Variants in KRAS observed in about 807,000 individuals in gnomAD.
KRAS encodes KRas proto-oncogene, GTPase, also known as GTPase KRas.
In KRAS, 1 loss-of-function variant was observed where a neutral mutation model predicts 21.0. The observed-to-expected ratio is 0.05, with a 90% CI of 0.02 to 0.23. The LOEUF (loss-of-function observed/expected upper bound fraction) is 0.23, where lower values mean the gene tolerates loss of function less well. Among genes scored for constraint, KRAS ranks in the 10% least tolerant of loss-of-function variants. KRAS has a pLI of 1.00. For synonymous variants in KRAS, 67 were observed against 72.5 expected (o/e 0.92, Z 0.39); for missense variants, 107 against 221.8 (o/e 0.48, Z 3.29).
At chr12:25,224,677 T>C (rs989308569) in intron 4 of KRAS, among the ~76,000 whole-genome samples, 2 of 152,170 alleles carry the variant, frequency 1.3e-5, no homozygotes, top group Non-Finnish European at 2.9e-5. Context: ...AAACTTACCA[T>C]TGTGTTAACA....
At chr12:25,244,016 T>C (rs1951644512) in intron 2 of KRAS, among the ~76,000 whole-genome samples, 1 of 152,204 alleles carries the variant, frequency 6.6e-6, no homozygotes, top group African/African-American at 2.4e-5. Context: ...TTTTTTATAG[T>C]ACCAAAAATA....
rs866925323 is a variant in KRAS, at chr12:25,206,737, T to C, written c.*3058A>G. The C allele has an allele frequency of 1.0e-5, 2 of 196,546 alleles. No homozygotes were observed. Among genetic ancestry groups the C allele is most frequent in the Non-Finnish European group, 1.1e-5 (1 of 94,812 alleles). 12.2% of individuals were successfully genotyped at this position (196,546 alleles called of 1,614,324 possible). A position where few individuals can be genotyped will look rare whatever the true frequency, so the allele number is the denominator to read the frequency against. ...TTCAGAAATCATAGTGATTTTTACATAGAAGTTTCCTTGTCTGTGAACTAG... is the reference window on the plus strand; with the variant it reads ...TTCAGAAATCATAGTGATTTTTACACAGAAGTTTCCTTGTCTGTGAACTAG... On this transcript the variant is annotated 3_prime_UTR_variant, in exon 5 of 5. Transcript: ENST00000311936.
chr12:25,211,181 T>G (rs1312313946), intron 4 of KRAS: 1 of 152,196 alleles, frequency 6.6e-6, no homozygotes, highest in Non-Finnish European at 1.5e-5. Context: ...TTTTACTCAT[T>G]GTAATCACTT....
rs104894365 is a variant in KRAS, at chr12:25,245,345, C to T, written c.40G>A (p.Val14Ile). ...TGTATCGTCAAGGCACTCTTGCCTACGCCACCAGCTCCAACTACCACAAGT... is the reference window on the plus strand; with the variant it reads ...TGTATCGTCAAGGCACTCTTGCCTATGCCACCAGCTCCAACTACCACAAGT... ...YKLVVVGAGG[V>I]GKSALTIQLI... Residue 14 changes from valine (V) to isoleucine (I), a missense_variant, in exon 2 of 5, where the codon GTA becomes ATA. Physicochemically the swap from Val to Ile is conservative, Grantham distance 29. Coordinates refer to ENST00000311936, the MANE Select transcript of KRAS (RefSeq NM_004985.5). 2 of 1,612,846 alleles carry T rather than the reference C, an allele frequency of 1.2e-6. No individual in the cohort carries two copies. The highest frequency in any genetic ancestry group is 1.7e-6 in the Non-Finnish European group (2 of 1,179,292).
intron 2 of KRAS, among the ~76,000 whole-genome samples, chr12:25,233,100 C>T (rs1331293765): frequency 1.3e-5 from 2 of 152,048 alleles, no homozygotes; most frequent in African/African-American, 4.8e-5. Flanking sequence ...AAAATATATC[C>T]TACATCCAAC....
At chr12:25,218,634 C>T (rs1951281881) in intron 4 of KRAS, among the ~76,000 whole-genome samples, 1 of 152,146 alleles carries the variant, frequency 6.6e-6, no homozygotes, top group Admixed American at 6.5e-5. Context: ...TGATAATATG[C>T]TTTAAAGTCA....
Position 25,208,286 on chromosome 12 carries a change from T to TC in KRAS, c.*1508dup. 1 of 233,376 alleles carries TC rather than the reference T, an allele frequency of 4.3e-6. No homozygotes were observed. Among genetic ancestry groups the TC allele is most frequent in the Non-Finnish European group, 8.5e-6 (1 of 117,882 alleles). 14.5% of individuals were successfully genotyped at this position (233,376 alleles called of 1,614,324 possible). On this transcript the variant is annotated 3_prime_UTR_variant, in exon 5 of 5. Coordinates refer to ENST00000311936, the MANE Select transcript of KRAS (RefSeq NM_004985.5). ...CTATCTAGAACCTAAGTCACCTTCTTCCTAGTCCAGTGATACTTTCACCTC... is the reference window on the plus strand; with the variant it reads ...CTATCTAGAACCTAAGTCACCTTCTTCCCTAGTCCAGTGATACTTTCACCTC...
chr12:25,248,478 G>A (rs1951717175), intron 1 of KRAS, among the ~76,000 whole-genome samples: 1 of 151,908 alleles, frequency 6.6e-6, no homozygotes, highest in Non-Finnish European at 1.5e-5. Context: ...TAGAGGGGTC[G>A]TTAAGGCCAA....
chr12:25,223,170 AG>A (rs1235460162), intron 4 of KRAS, among the ~76,000 whole-genome samples: 2 of 152,216 alleles, frequency 1.3e-5, no homozygotes, highest in Non-Finnish European at 2.9e-5. Flanking sequence ...GTGAAATGTA[AG>A]CTAAAATGTT....
At chr12:25,225,804 C>A in intron 3 of KRAS, 31 bp from the exon 4 acceptor site, 1 of 1,591,316 alleles carries the variant, frequency 6.3e-7, no homozygotes, top group Non-Finnish European at 8.6e-7. Flanking sequence ...ATAGCACAGT[C>A]ATTAGTAACA....
chr12:25,216,128 T>C (rs1290634319), intron 4 of KRAS, among the ~76,000 whole-genome samples: 3 of 152,190 alleles, frequency 2.0e-5, no homozygotes, highest in Non-Finnish European at 2.9e-5. Context: ...ATTTCCAGGG[T>C]ATACAAGTGA....
At chr12:25,247,255 T>C (rs1951696273) in intron 1 of KRAS, among the ~76,000 whole-genome samples, 1 of 152,200 alleles carries the variant, frequency 6.6e-6, no homozygotes, top group Non-Finnish European at 1.5e-5. Flanking sequence ...ACACTAAATA[T>C]ACACAGCATC....
In KRAS at chr12:25,207,273, T is replaced by C. The variant is rs1951148678; in HGVS notation, c.*2522A>G. On this transcript the variant is annotated 3_prime_UTR_variant, in exon 5 of 5. Coordinates refer to ENST00000311936, the MANE Select transcript of KRAS (RefSeq NM_004985.5). ...AAATGAGTTCTGCAAAACAGGTTTA[T>C]GAGGCCAAGGTGGGTGAATCACTTG... 5 of 198,402 alleles carry C rather than the reference T, an allele frequency of 2.5e-5. No individual in the cohort carries two copies. The East Asian group carries it at 3.9e-4, about 16-fold the overall frequency. The allele number at this position is 198,402 out of a possible 1,614,324, so 12.3% of individuals were successfully genotyped here.
At position 25,208,587 on chromosome 12, in the gene KRAS, A is replaced by G. The variant is rs1452769346; in HGVS notation, c.*1208T>C. Reference sequence around the variant, plus strand: ...AATATTTAAAAGTAATTTTTAAAAAAGAGTTTGTTTTCTTAAGAAACAAAA... The same window carrying G: ...AATATTTAAAAGTAATTTTTAAAAAGGAGTTTGTTTTCTTAAGAAACAAAA... On this transcript the variant is annotated 3_prime_UTR_variant, in exon 5 of 5. Transcript: ENST00000311936. The G allele has an allele frequency of 4.3e-6, 1 of 233,170 alleles. No homozygotes were observed. The highest frequency in any genetic ancestry group is 6.1e-5 in the East Asian group (1 of 16,484). The allele number at this position is 233,170 out of a possible 1,614,324, so 14.4% of individuals were successfully genotyped here.
intron 2 of KRAS, among the ~76,000 whole-genome samples, chr12:25,240,575 C>T (rs142205177): frequency 5.1e-4 from 78 of 152,228 alleles, no homozygotes; most frequent in East Asian, 3.7e-3. Flanking sequence ...GTCTGTTTTG[C>T]GCCTCAGTGT....
At chr12:25,219,865 TA>T (rs1338245176) in intron 4 of KRAS, among the ~76,000 whole-genome samples, 3 of 152,196 alleles carry the variant, frequency 2.0e-5, no homozygotes, top group Non-Finnish European at 4.4e-5. Flanking sequence ...AACAGAGACA[TA>T]GCACATAAGG....
chr12:25,235,289 G>T, intron 2 of KRAS: 1 of 488,970 alleles, frequency 2.0e-6, no homozygotes, highest in South Asian at 3.3e-5. Flanking sequence ...TTACTCTTCC[G>T]AAAGGTTATT....
intron 1 of KRAS, among the ~76,000 whole-genome samples, chr12:25,247,986 T>A (rs1951706138): frequency 6.6e-6 from 1 of 152,186 alleles, no homozygotes; most frequent in Admixed American, 6.5e-5. Flanking sequence ...ATACGGTAAA[T>A]ATTAATAAAT....
At position 25,245,035 on chromosome 12, in the gene KRAS, T is replaced by C. The variant is rs187904655; in HGVS notation, c.111+239A>G. On this transcript the variant is annotated intron_variant, in intron 2 of 4. Coordinates refer to ENST00000311936, the MANE Select transcript of KRAS (RefSeq NM_004985.5). ...TCTACCCTCTCACGAAACTCTGAAA[T>C]ACACTTCCAATCAAAATGCACAGAG... Among the ~76,000 whole-genome samples the C allele has an allele frequency of 3.6e-3, 554 of 152,256 alleles. 6 individuals carry two copies. The highest frequency in any genetic ancestry group is 4.4e-3 in the Non-Finnish European group (302 of 67,998).
Sources: gnomAD v4.1 joint callset for allele counts (sites outside exome capture counted in the v4.1 genomes callset) on GRCh38, gnomAD v4.1.1 for gene constraint, MANE v1.5 for transcripts, NCBI Gene and HGNC (gene_info 2026-07-23, HGNC 2026-07-21) for gene names.